Variants in LINGO2 observed in about 807,000 individuals in gnomAD.
LINGO2 encodes the protein leucine-rich repeat and immunoglobulin-like domain-containing nogo receptor-interacting protein 2.
Under a neutral mutation model 30.6 loss-of-function variants are expected in LINGO2, and 14 were observed. The observed-to-expected ratio is 0.46, with a 90% CI of 0.30 to 0.72. The LOEUF is 0.72. Ranked by LOEUF, LINGO2 falls within the 30% of genes least tolerant of loss-of-function variation. The pLI is 0.07. For missense variants in LINGO2, 729 were observed against 751.7 expected (o/e 0.97, Z 0.35); for synonymous variants, 317 against 288.5 (o/e 1.10, Z -1.00).
intron 2 of LINGO2, among the ~76,000 whole-genome samples, chr9:28,392,006 C>A (rs936449552): frequency 6.6e-6 from 1 of 152,088 alleles, no homozygotes; most frequent in African/African-American, 2.4e-5. Context: ...AGATTGAGAC[C>A]ATGCTGGCCA....
the LINGO2 span, chr9:27,938,692 C>T: frequency 6.6e-6 from 1 of 152,134 alleles, no homozygotes; most frequent in Non-Finnish European, 1.5e-5. Flanking sequence ...GAATGAGACA[C>T]AAGTTGCAAT....
intron 5 of LINGO2, among the ~76,000 whole-genome samples, chr9:27,973,834 T>A (rs1820467427): frequency 6.6e-6 from 1 of 152,192 alleles, no homozygotes. Flanking sequence ...TTTTATTGTA[T>A]TAGTGTTTTA....
chr9:29,034,147 ATGCATG>A, the LINGO2 span, among the ~76,000 whole-genome samples: 1 of 152,132 alleles, frequency 6.6e-6, no homozygotes, highest in Admixed American at 6.6e-5. Flanking sequence ...AGATCTATGA[ATGCATG>A]GATAAATGAA....
At chr9:28,886,848 A>G in the LINGO2 span, among the ~76,000 whole-genome samples, 1 of 152,188 alleles carries the variant, frequency 6.6e-6, no homozygotes, top group Non-Finnish European at 1.5e-5. Flanking sequence ...GATAAACTGA[A>G]TATAATACAT....
Position 28,147,921 on chromosome 9 carries a change from G to T in LINGO2, c.-86-135516C>A, listed in dbSNP as rs1296331505. On this transcript the variant is annotated intron_variant, in intron 4 of 5. Transcript: ENST00000379992. The surrounding 1 kb of genome is among the most constrained non-coding windows in gnomAD (Gnocchi z 4.7). ...AGTGTGCACCCGGCCACAGAGAAGTGGGTGACTTAGGAGTATCCTCTCCGC... is the reference window on the plus strand; with the variant it reads ...AGTGTGCACCCGGCCACAGAGAAGTTGGTGACTTAGGAGTATCCTCTCCGC... 2.0e-5 allele frequency among the ~76,000 whole-genome samples: 3 copies of T among 152,146 alleles called. No individual in the cohort carries two copies. The highest frequency in any genetic ancestry group is 7.2e-5 in the African/African-American group (3 of 41,432).
chr9:28,812,568 T>C, the LINGO2 span, among the ~76,000 whole-genome samples: 2 of 152,208 alleles, frequency 1.3e-5, no homozygotes, highest in African/African-American at 4.8e-5. Context: ...CTAAATGTCC[T>C]AGCTACATGC....
At chr9:28,263,548 T>C (rs1822639715) in intron 4 of LINGO2, among the ~76,000 whole-genome samples, 1 of 152,010 alleles carries the variant, frequency 6.6e-6, no homozygotes, top group African/African-American at 2.4e-5. Context: ...TATCACTTTC[T>C]ATTTAATTAT....
the LINGO2 span, among the ~76,000 whole-genome samples, chr9:28,869,434 A>G: frequency 6.6e-6 from 1 of 152,046 alleles, no homozygotes; most frequent in Non-Finnish European, 1.5e-5. Context: ...GAGGATGAAC[A>G]AGGAGTGGGG....
chr9:28,056,299 T>C (rs1198229765), intron 4 of LINGO2, among the ~76,000 whole-genome samples: 1 of 152,036 alleles, frequency 6.6e-6, no homozygotes, highest in East Asian at 1.9e-4. Flanking sequence ...CAGACTCAAT[T>C]TGTCAGTTTG....
the LINGO2 span, among the ~76,000 whole-genome samples, chr9:28,886,716 G>A: frequency 6.6e-6 from 1 of 152,026 alleles, no homozygotes; most frequent in Non-Finnish European, 1.5e-5. Context: ...TTATTCTAAT[G>A]AGGCTAGCTA....
chr9:28,583,458 C>T (rs934803813), intron 1 of LINGO2, among the ~76,000 whole-genome samples: 21 of 151,980 alleles, frequency 1.4e-4, no homozygotes, highest in African/African-American at 4.8e-4. Flanking sequence ...AAAAACATTT[C>T]CCTTTGATTG....
the LINGO2 span, among the ~76,000 whole-genome samples, chr9:29,052,847 A>G: frequency 7.2e-5 from 11 of 152,200 alleles, no homozygotes; most frequent in Admixed American, 5.9e-4. Flanking sequence ...GGTCAATTAC[A>G]CAGTCACAGT....
chr9:27,970,812 T>C (rs531471461), intron 5 of LINGO2, among the ~76,000 whole-genome samples: 53 of 152,044 alleles, frequency 3.5e-4, no homozygotes, highest in African/African-American at 1.2e-3. Flanking sequence ...AAAGATATAA[T>C]GGTATGCTAT....
intron 2 of LINGO2, among the ~76,000 whole-genome samples, chr9:28,407,644 G>T (rs1189496265): frequency 3.3e-5 from 5 of 152,166 alleles, no homozygotes; most frequent in Admixed American, 6.6e-5. Context: ...CAAAACAAGT[G>T]TGAAAGTATG....
At chr9:28,795,564 AATATATCTT>A in the LINGO2 span, among the ~76,000 whole-genome samples, 1 of 151,462 alleles carries the variant, frequency 6.6e-6, no homozygotes, top group African/African-American at 2.4e-5. Context: ...ATATACCTTT[AATATATCTT>A]ATATATCTTT....
the LINGO2 span, among the ~76,000 whole-genome samples, chr9:28,721,480 T>C: frequency 6.6e-6 from 1 of 151,970 alleles, no homozygotes; most frequent in South Asian, 2.1e-4. Flanking sequence ...TATGCAGCCA[T>C]AAAAAAGGAT....
intron 2 of LINGO2, among the ~76,000 whole-genome samples, chr9:28,403,945 A>G (rs1052092938): frequency 1.3e-5 from 2 of 152,094 alleles, no homozygotes; most frequent in African/African-American, 4.8e-5. Flanking sequence ...CTTAAGATGA[A>G]GATTAATTTA....
chr9:28,995,212 C>T, the LINGO2 span, among the ~76,000 whole-genome samples: 1 of 152,126 alleles, frequency 6.6e-6, no homozygotes, highest in South Asian at 2.1e-4. Context: ...GGGTGAAGGA[C>T]ATGAACAGAC....
chr9:29,188,563 T>A, the LINGO2 span, among the ~76,000 whole-genome samples: 1 of 152,156 alleles, frequency 6.6e-6, no homozygotes, highest in Non-Finnish European at 1.5e-5. Flanking sequence ...ATTGTCATCA[T>A]GGCCCGTTCT....
Sources: gnomAD v4.1 joint callset for allele counts (sites outside exome capture counted in the v4.1 genomes callset) on GRCh38, gnomAD v4.1.1 for gene constraint, Gnocchi (gnomAD v3.1) non-coding constraint, MANE v1.5 for transcripts, NCBI Gene and HGNC (gene_info 2026-07-23, HGNC 2026-07-21) for gene names.